The following MACROD2 variants were observed in gnomAD, a reference collection of about 807,000 sequenced individuals.
The protein encoded by MACROD2 is mono-ADP ribosylhydrolase 2, also known as ADP-ribose glycohydrolase MACROD2.
MACROD2 carries 36 observed loss-of-function variants against 70.4 expected under a neutral mutation model. That is an observed-to-expected ratio of 0.51 (90% CI 0.39 to 0.68). MACROD2 has a LOEUF of 0.68. Ranked by LOEUF, MACROD2 falls within the 30% of genes least tolerant of loss-of-function variation. The pLI is 0.00. For synonymous variants in MACROD2, 172 were observed against 178.8 expected, an observed-to-expected ratio of 0.96 and a Z score of 0.30; for missense variants, 496 against 538.4, an observed-to-expected ratio of 0.92 and a Z score of 0.78.
intron 8 of MACROD2, among the ~76,000 whole-genome samples, chr20:15,571,182 G>A (rs116568058): frequency 3.2e-4 from 48 of 152,234 alleles, no homozygotes; most frequent in African/African-American, 1.1e-3. Flanking sequence ...TTTTAACATG[G>A]TGCTATTTGT....
chr20:15,996,754 T>A (rs2066637548), intron 15 of MACROD2, among the ~76,000 whole-genome samples: 1 of 152,164 alleles, frequency 6.6e-6, no homozygotes, highest in Non-Finnish European at 1.5e-5. Flanking sequence ...GTGCTTTTGA[T>A]GTCATGTCCA....
chr20:14,552,380 G>A (rs1478607452), intron 4 of MACROD2, among the ~76,000 whole-genome samples: 1 of 150,426 alleles, frequency 6.6e-6, no homozygotes, highest in African/African-American at 2.5e-5. Flanking sequence ...CAGAAAAGTA[G>A]CAAATGACCA....
At chr20:14,831,499 C>T (rs1008853811) in intron 5 of MACROD2, among the ~76,000 whole-genome samples, 5 of 151,902 alleles carry the variant, frequency 3.3e-5, no homozygotes, top group African/African-American at 9.7e-5. Context: ...GCAACAACAG[C>T]CGGGTGCTGT....
intron 5 of MACROD2, among the ~76,000 whole-genome samples, chr20:15,189,544 T>G (rs2076556452): frequency 6.6e-6 from 1 of 152,194 alleles, no homozygotes; most frequent in South Asian, 2.1e-4. Context: ...ATTATTGACT[T>G]TATTCTAAAA....
chr20:14,028,800 A>G (rs957117606), intron 2 of MACROD2, among the ~76,000 whole-genome samples: 1 of 151,960 alleles, frequency 6.6e-6, no homozygotes, highest in Admixed American at 6.6e-5. Flanking sequence ...GCAGAAATCA[A>G]CCGTCATTGA....
intron 1 of MACROD2, among the ~76,000 whole-genome samples, chr20:14,000,137 G>A (rs1232034802): frequency 6.6e-6 from 1 of 152,144 alleles, no homozygotes; most frequent in African/African-American, 2.4e-5. Flanking sequence ...GTGTTTTGAG[G>A]TTTGATGCTT....
chr20:15,678,965 G>A (rs536529276), intron 8 of MACROD2, among the ~76,000 whole-genome samples: 14 of 152,180 alleles, frequency 9.2e-5, no homozygotes, highest in Middle Eastern at 3.4e-3. Flanking sequence ...GGCTGGGTGC[G>A]GTGGCTCACG....
chr20:15,467,252 G>A (rs748979228), intron 7 of MACROD2, among the ~76,000 whole-genome samples: 29 of 152,212 alleles, frequency 1.9e-4, no homozygotes, highest in Non-Finnish European at 4.0e-4. Context: ...AGCCAACTCC[G>A]AAGTGTATGT....
chr20:14,515,886 G>A lies in MACROD2; in HGVS notation c.301+22378G>A, dbSNP rs115707398. ...ATCACAGAAAAGAAGTTGGTAAGGT[G>A]ATAGATATGTTAATTAGCTTGATCT... On this transcript the variant is annotated intron_variant, in intron 4 of 17. Coordinates refer to ENST00000684519, the MANE Select transcript of MACROD2 (RefSeq NM_001351661.2). 4.4e-3 allele frequency among the ~76,000 whole-genome samples: 671 copies of A among 151,150 alleles called. 7 individuals carry two copies. The highest frequency in any genetic ancestry group is 0.015 in the African/African-American group (634 of 41,316).
At chr20:14,252,131 A>G (rs2082018431) in intron 3 of MACROD2, among the ~76,000 whole-genome samples, 1 of 152,064 alleles carries the variant, frequency 6.6e-6, no homozygotes, top group Admixed American at 6.6e-5. Context: ...AAAGATGAGA[A>G]GTAAGAAATG....
At chr20:15,396,264 TA>T (rs1335464003) in intron 6 of MACROD2, among the ~76,000 whole-genome samples, 2 of 152,198 alleles carry the variant, frequency 1.3e-5, no homozygotes, top group African/African-American at 4.8e-5. Flanking sequence ...GTCATTGCCC[TA>T]AATCTTCCAG....
At chr20:15,380,181 T>TA (rs11087134) in intron 6 of MACROD2, among the ~76,000 whole-genome samples, 71,542 of 151,906 alleles carry the variant, frequency 0.47, 19,593 homozygotes, top group African/African-American at 0.77. Context: ...TACCATCATT[T>TA]AAAAAAACCC....
intron 5 of MACROD2, among the ~76,000 whole-genome samples, chr20:15,206,725 T>G (rs1185818497): frequency 1.7e-5 from 1 of 60,512 alleles, no homozygotes; most frequent in African/African-American, 1.0e-4. Context: ...ATCTATGTTT[T>G]TTTTTTTTTT....
intron 4 of MACROD2, among the ~76,000 whole-genome samples, chr20:14,549,676 C>G (rs1978527232): frequency 6.6e-6 from 1 of 151,798 alleles, no homozygotes; most frequent in East Asian, 1.9e-4. Context: ...AAGATTTAGT[C>G]ATTGATTCAC....
chr20:14,254,429 TA>T (rs2082036993), intron 3 of MACROD2, among the ~76,000 whole-genome samples: 1 of 152,066 alleles, frequency 6.6e-6, no homozygotes, highest in East Asian at 1.9e-4. Flanking sequence ...TGTGTGGTAA[TA>T]TAAAATTAAG....
chr20:15,369,754 A>G (rs1029300781), intron 6 of MACROD2, among the ~76,000 whole-genome samples: 2 of 152,158 alleles, frequency 1.3e-5, no homozygotes, highest in African/African-American at 4.8e-5. Context: ...AAAAGACTGT[A>G]ATTAGAATTA....
At position 14,910,742 on chromosome 20, in the gene MACROD2, C is replaced by G. The variant is rs753462567; in HGVS notation, c.418+225783C>G. Among the ~76,000 whole-genome samples, 123 of 152,236 alleles carry G rather than the reference C, an allele frequency of 8.1e-4. 2 individuals are homozygous for G. Among genetic ancestry groups the G allele is most frequent in the Middle Eastern group, 3.4e-3 (1 of 294 alleles). The stretch of plus-strand genomic sequence containing the variant: ...CTCAGTTCTTTATACCAGTTGATAT[C>G]CCGCTAGCCTTTCCTTTCTGCTTTC... On this transcript the variant is annotated intron_variant, in intron 5 of 17. Coordinates refer to ENST00000684519, the MANE Select transcript of MACROD2 (RefSeq NM_001351661.2).
intron 5 of MACROD2, among the ~76,000 whole-genome samples, chr20:15,006,130 T>TAC (rs1491544163): frequency 3.3e-5 from 4 of 120,674 alleles, no homozygotes; most frequent in Non-Finnish European, 6.9e-5. Context: ...GAATGCATTT[T>TAC]ATATATATAT....
intron 5 of MACROD2, among the ~76,000 whole-genome samples, chr20:14,742,942 A>T (rs1437576916): frequency 2.0e-5 from 3 of 149,672 alleles, no homozygotes; most frequent in African/African-American, 7.6e-5. Flanking sequence ...AATTTTTTGT[A>T]TTTTTAGTAG....
Sources: gnomAD v4.1 joint callset for allele counts (sites outside exome capture counted in the v4.1 genomes callset) on GRCh38, gnomAD v4.1.1 for gene constraint, MANE v1.5 for transcripts, NCBI Gene and HGNC (gene_info 2026-07-23, HGNC 2026-07-21) for gene names.